GPC5: variants seen among roughly 807,000 people sequenced by gnomAD.
GPC5 encodes glypican-5.
Under a neutral mutation model 53.9 loss-of-function variants are expected in GPC5, and 47 were observed. The observed-to-expected ratio is 0.87, with a 90% CI of 0.69 to 1.11. The LOEUF (loss-of-function observed/expected upper bound fraction) is 1.11, where lower values mean the gene tolerates loss of function less well. Ranked by LOEUF, GPC5 falls within the 50% of genes most tolerant of loss-of-function variation. The pLI, the probability that GPC5 is intolerant of heterozygous loss-of-function variation, is 0.00. For synonymous variants in GPC5, 286 were observed against 263.3 expected (o/e 1.09, Z -0.84); for missense variants, 748 against 713.1 (o/e 1.05, Z -0.56).
At chr13:92,812,540 A>G (rs1456633606) in intron 7 of GPC5, among the ~76,000 whole-genome samples, 2 of 151,922 alleles carry the variant, frequency 1.3e-5, no homozygotes, top group Non-Finnish European at 2.9e-5. Context: ...TTTCTTGAAT[A>G]TGAAAGAGGG....
chr13:91,628,056 A>G (rs1277162551), intron 2 of GPC5, among the ~76,000 whole-genome samples: 1 of 152,126 alleles, frequency 6.6e-6, no homozygotes, highest in Non-Finnish European at 1.5e-5. Flanking sequence ...GTGTTTTTCT[A>G]TGATCTGCAA....
At chr13:92,502,424 A>G (rs1880219518) in intron 7 of GPC5, among the ~76,000 whole-genome samples, 1 of 152,032 alleles carries the variant, frequency 6.6e-6, no homozygotes, top group Admixed American at 6.6e-5. Context: ...AAATACAAAG[A>G]TTGTCAGAAT....
chr13:91,706,133 C>A (rs2036099867), intron 3 of GPC5, among the ~76,000 whole-genome samples: 1 of 151,922 alleles, frequency 6.6e-6, no homozygotes, highest in Non-Finnish European at 1.5e-5. Context: ...CCCACCTTGG[C>A]CTCCCAAAGT....
chr13:92,726,519 G>A lies in GPC5; in HGVS notation c.1562-139763G>A, dbSNP rs1017295257. The stretch of plus-strand genomic sequence containing the variant: ...TGATTCTGCCACCTCAGCTTCCCAA[G>A]TAGCTGAGACTACAGGCCCATGCCA... On this transcript the variant is annotated intron_variant, in intron 7 of 7. Transcript: ENST00000377067. Among the ~76,000 whole-genome samples the A allele has an allele frequency of 3.3e-5, 5 of 151,500 alleles. No homozygotes were observed. In the East Asian group the frequency reaches 7.8e-4, roughly 24 times the overall value.
intron 2 of GPC5, among the ~76,000 whole-genome samples, chr13:91,678,729 G>A (rs2035439354): frequency 7.0e-6 from 1 of 142,940 alleles, no homozygotes; most frequent in Middle Eastern, 3.6e-3. Context: ...AGGATGTTAG[G>A]AGTTTTTGTT....
Position 92,692,754 on chromosome 13 carries a change from A to ATTTTTTTTTTTTTTTTTTT in GPC5, c.1562-173524_1562-173506dup, listed in dbSNP as rs71272284. On this transcript the variant is annotated intron_variant, in intron 7 of 7. Transcript: ENST00000377067. ...CTCCAAAGCCTCACCAATATCGGCT[A>ATTTTTTTTTTTTTTTTTTT]TTTTTTTTTTTTTTTTTTTTTTACA... Among the ~76,000 whole-genome samples the ATTTTTTTTTTTTTTTTTTT allele has an allele frequency of 1.8e-3, 143 of 81,004 alleles. 19 individuals carry two copies. Among genetic ancestry groups the ATTTTTTTTTTTTTTTTTTT allele is most frequent in the East Asian group, 0.015 (18 of 1,182 alleles). 53.1% of individuals were successfully genotyped at this position (81,004 alleles called of 152,430 possible).
At chr13:92,674,413 A>AGT (rs1886859737) in intron 7 of GPC5, among the ~76,000 whole-genome samples, 1 of 152,140 alleles carries the variant, frequency 6.6e-6, no homozygotes, top group Non-Finnish European at 1.5e-5. Context: ...CTTTACTTAA[A>AGT]AGCAGACAAA....
At chr13:92,370,753 A>G (rs2043643694) in intron 7 of GPC5, among the ~76,000 whole-genome samples, 1 of 152,208 alleles carries the variant, frequency 6.6e-6, no homozygotes, top group African/African-American at 2.4e-5. Context: ...ATTTTTTATA[A>G]GATATATTTT....
intron 2 of GPC5, among the ~76,000 whole-genome samples, chr13:91,641,532 G>A (rs1347920545): frequency 6.6e-6 from 1 of 152,094 alleles, no homozygotes; most frequent in Non-Finnish European, 1.5e-5. Flanking sequence ...CCTACATGAT[G>A]GGCTGACAGA....
At position 92,125,923 on chromosome 13, in the gene GPC5, GGTTTTTTTTTTTTTTTTTTTTTTT is replaced by G. The variant is rs2041691735; in HGVS notation, c.1402-18906_1402-18883del. Among the ~76,000 whole-genome samples, 104 of 41,550 alleles carry G rather than the reference GGTTTTTTTTTTTTTTTTTTTTTTT, an allele frequency of 2.5e-3. 10 individuals are homozygous for G. The East Asian group carries it at 0.025, about 10-fold the overall frequency. The allele number at this position is 41,550 out of a possible 152,430, so 27.3% of individuals were successfully genotyped here. A position where few individuals can be genotyped will look rare whatever the true frequency, so the allele number is the denominator to read the frequency against. ...ATTAGAAAGGAAACATTTGTTTTTTGGTTTTTTTTTTTTTTTTTTTTTTTTTTTTTTTTTTTTTTTTTTTTTTTT... is the reference window on the plus strand; with the variant it reads ...ATTAGAAAGGAAACATTTGTTTTTTGTTTTTTTTTTTTTTTTTTTTTTTTT... On this transcript the variant is annotated intron_variant, in intron 6 of 7. Transcript: ENST00000377067.
intron 7 of GPC5, among the ~76,000 whole-genome samples, chr13:92,714,915 A>T (rs1888275493): frequency 6.6e-6 from 1 of 152,018 alleles, no homozygotes; most frequent in African/African-American, 2.4e-5. Flanking sequence ...AAAATACAAA[A>T]ATTAGCCAGG....
At chr13:91,871,973 A>T (rs187714915) in intron 5 of GPC5, among the ~76,000 whole-genome samples, 1 of 152,218 alleles carries the variant, frequency 6.6e-6, no homozygotes, top group East Asian at 1.9e-4. Flanking sequence ...CGGTGGAAAG[A>T]TGAAAAGAAA....
intron 2 of GPC5, among the ~76,000 whole-genome samples, chr13:91,496,931 G>T (rs914587639): frequency 6.6e-6 from 1 of 152,024 alleles, no homozygotes; most frequent in Non-Finnish European, 1.5e-5. Flanking sequence ...GTTAAAAATA[G>T]AAAAATTTAT....
chr13:91,710,426 G>C (rs78447807), intron 3 of GPC5, among the ~76,000 whole-genome samples: 1 of 152,100 alleles, frequency 6.6e-6, no homozygotes, highest in Non-Finnish European at 1.5e-5. Context: ...TATTATTAGC[G>C]TTGTATCTGC....
At chr13:91,473,769 T>C (rs1882771628) in intron 2 of GPC5, among the ~76,000 whole-genome samples, 1 of 152,192 alleles carries the variant, frequency 6.6e-6, no homozygotes, top group Non-Finnish European at 1.5e-5. Flanking sequence ...CCTTTCAAGC[T>C]AAGATGCCTC....
intron 7 of GPC5, among the ~76,000 whole-genome samples, chr13:92,538,419 T>C (rs1202486997): frequency 2.0e-5 from 3 of 151,196 alleles, no homozygotes; most frequent in Non-Finnish European, 4.4e-5. Context: ...TCCCTACCTC[T>C]CTTCCTCCTT....
chr13:91,995,277 C>T (rs1346908122), intron 6 of GPC5: 2 of 152,088 alleles, frequency 1.3e-5, no homozygotes, highest in African/African-American at 2.4e-5. Context: ...CGGCCTGAAA[C>T]TTATCTTCTT....
chr13:91,461,213 A>G (rs1434933870), intron 2 of GPC5, among the ~76,000 whole-genome samples: 3 of 152,132 alleles, frequency 2.0e-5, no homozygotes, highest in Non-Finnish European at 4.4e-5. Context: ...TGTACTCTTT[A>G]TTTGACTTCA....
In GPC5 at chr13:91,466,083, G is replaced by A. The variant is rs111574434; in HGVS notation, c.325+17161G>A. Among the ~76,000 whole-genome samples, 49 of 152,262 alleles carry A rather than the reference G, an allele frequency of 3.2e-4. 2 individuals are homozygous for A. The South Asian group carries it at 6.4e-3, about 20-fold the overall frequency. Reference sequence around the variant, plus strand: ...CCACTGCCTGAACCCTGAAGGCCAGGCCACGAGCCAAGGCCATGGTGCCCA... The same window carrying A: ...CCACTGCCTGAACCCTGAAGGCCAGACCACGAGCCAAGGCCATGGTGCCCA... On this transcript the variant is annotated intron_variant, in intron 2 of 7. Transcript: ENST00000377067.
Sources: allele counts gnomAD v4.1 joint callset (sites outside exome capture counted in the v4.1 genomes callset), GRCh38; gene constraint gnomAD v4.1.1; transcripts MANE v1.5; gene names NCBI Gene and HGNC (gene_info 2026-07-23, HGNC 2026-07-21).